DPP10: variants seen among roughly 807,000 people sequenced by gnomAD.
DPP10 encodes inactive dipeptidyl peptidase 10.
DPP10 carries 33 observed loss-of-function variants against 120.9 expected under a neutral mutation model. That is an observed-to-expected ratio of 0.27 (90% CI 0.21 to 0.37). The LOEUF is 0.37. Ranked by LOEUF, DPP10 falls within the 10% of genes least tolerant of loss-of-function variation. The probability of loss-of-function intolerance (pLI) is 1.00; values close to 1 mark genes in which losing one functional copy is unlikely to be tolerated. For missense variants in DPP10, 816 were observed against 942.8 expected (o/e 0.87, Z 1.76); for synonymous variants, 337 against 326.1 (o/e 1.03, Z -0.36).
At chr2:115,725,553 A>G (rs963581324) in intron 7 of DPP10, among the ~76,000 whole-genome samples, 6 of 152,226 alleles carry the variant, frequency 3.9e-5, no homozygotes, top group African/African-American at 1.4e-4. Flanking sequence ...TCTGTCAAAT[A>G]TAAATGTAAT....
At chr2:114,867,237 T>C (rs1690312993) in intron 1 of DPP10, among the ~76,000 whole-genome samples, 1 of 152,176 alleles carries the variant, frequency 6.6e-6, no homozygotes, top group Non-Finnish European at 1.5e-5. Context: ...CACTCCTGCC[T>C]CTCATTTTCA....
chr2:114,694,487 T>A (rs1235481151), intron 1 of DPP10, among the ~76,000 whole-genome samples: 2 of 151,988 alleles, frequency 1.3e-5, no homozygotes, highest in East Asian at 3.9e-4. Flanking sequence ...GGGGATAGTT[T>A]GCAGTGAAGG....
At chr2:115,407,786 G>A in intron 3 of DPP10, among the ~76,000 whole-genome samples, 1 of 152,126 alleles carries the variant, frequency 6.6e-6, no homozygotes, top group Non-Finnish European at 1.5e-5. Flanking sequence ...ACTCTTCCCA[G>A]TTTGGAGGAT....
chr2:115,407,468 A>G (rs2068601928), intron 3 of DPP10, among the ~76,000 whole-genome samples: 1 of 152,186 alleles, frequency 6.6e-6, no homozygotes, highest in South Asian at 2.1e-4. Context: ...TCAGAGGCCA[A>G]TCTAAGCGTT....
chr2:115,023,685 C>T (rs190842994), intron 1 of DPP10, among the ~76,000 whole-genome samples: 13 of 152,132 alleles, frequency 8.5e-5, no homozygotes, highest in African/African-American at 2.9e-4. Flanking sequence ...GAAAAAGATA[C>T]TTGCACATGT....
At chr2:115,718,800 T>A (rs2092570657) in intron 7 of DPP10, among the ~76,000 whole-genome samples, 1 of 152,026 alleles carries the variant, frequency 6.6e-6, no homozygotes, top group Admixed American at 6.6e-5. Flanking sequence ...GATAATGGGC[T>A]CGAAGAAGGA....
intron 1 of DPP10, among the ~76,000 whole-genome samples, chr2:114,873,697 A>G (rs1690898120): frequency 1.4e-5 from 1 of 72,188 alleles, no homozygotes; most frequent in Non-Finnish European, 2.8e-5. Context: ...AGAACTTAAC[A>G]ACATTTTGCA....
intron 1 of DPP10, among the ~76,000 whole-genome samples, chr2:114,737,440 G>A (rs548361969): frequency 6.6e-5 from 10 of 152,192 alleles, no homozygotes; most frequent in Non-Finnish European, 1.2e-4. Context: ...GCAGGAGAGA[G>A]AAATCTGCCT....
intron 1 of DPP10, among the ~76,000 whole-genome samples, chr2:115,228,728 A>T (rs1574084908): frequency 6.6e-6 from 1 of 152,082 alleles, no homozygotes. Flanking sequence ...ATATGGCTGG[A>T]TAGTATTCCA....
intron 1 of DPP10, among the ~76,000 whole-genome samples, chr2:115,057,883 G>T (rs190060037): frequency 1.3e-5 from 2 of 152,196 alleles, no homozygotes; most frequent in East Asian, 3.9e-4. Context: ...TTCCAGTCTA[G>T]TCTGAGTTTG....
At chr2:115,361,344 C>T (rs561745396) in intron 3 of DPP10, among the ~76,000 whole-genome samples, 98 of 152,186 alleles carry the variant, frequency 6.4e-4, no homozygotes, top group Middle Eastern at 3.4e-3. Context: ...ACTACCTGTT[C>T]TGCGGGAGGG....
chr2:115,485,771 A>G (rs946960514), intron 3 of DPP10, among the ~76,000 whole-genome samples: 4 of 152,240 alleles, frequency 2.6e-5, no homozygotes, highest in East Asian at 1.9e-4. Context: ...ATACTACTCT[A>G]TGCAATTATG....
At chr2:115,116,587 C>A (rs953240486) in intron 1 of DPP10, among the ~76,000 whole-genome samples, 1 of 152,052 alleles carries the variant, frequency 6.6e-6, no homozygotes, top group African/African-American at 2.4e-5. Context: ...AGGACTTATT[C>A]TTTCTTTATA....
intron 3 of DPP10, among the ~76,000 whole-genome samples, chr2:115,358,493 GTC>G (rs1241342655): frequency 1.3e-5 from 2 of 152,190 alleles, no homozygotes; most frequent in East Asian, 3.9e-4. Flanking sequence ...TCTCACATCT[GTC>G]TGTCTTCTGA....
intron 5 of DPP10, among the ~76,000 whole-genome samples, chr2:115,532,854 A>G (rs1199052324): frequency 2.6e-5 from 4 of 151,954 alleles, no homozygotes; most frequent in Non-Finnish European, 4.4e-5. Context: ...ATGTATATAA[A>G]TAGTTTTAAT....
intron 1 of DPP10, among the ~76,000 whole-genome samples, chr2:114,709,065 A>T (rs1012160504): frequency 2.0e-5 from 3 of 151,960 alleles, no homozygotes; most frequent in African/African-American, 7.3e-5. Context: ...CCCATTGCTT[A>T]CTCTTTCACT....
intron 7 of DPP10, among the ~76,000 whole-genome samples, chr2:115,691,255 G>T (rs1389124191): frequency 6.6e-6 from 1 of 151,774 alleles, no homozygotes; most frequent in Non-Finnish European, 1.5e-5. Flanking sequence ...TATAAATGTA[G>T]TCTGATTTAT....
At chr2:115,715,046 A>AAG (rs1280720329) in intron 7 of DPP10, among the ~76,000 whole-genome samples, 1 of 150,374 alleles carries the variant, frequency 6.7e-6, no homozygotes, top group East Asian at 2.0e-4. Context: ...AAAAAAAAAA[A>AAG]AAATTATGAA....
chr2:115,676,001 A>G (rs1305478643), intron 5 of DPP10, among the ~76,000 whole-genome samples: 3 of 152,126 alleles, frequency 2.0e-5, no homozygotes, highest in Non-Finnish European at 4.4e-5. Context: ...CCTCCATCCT[A>G]GAGTATAAAT....
Sources: allele counts gnomAD v4.1 joint callset (sites outside exome capture counted in the v4.1 genomes callset), GRCh38; gene constraint gnomAD v4.1.1; transcripts MANE v1.5; gene names NCBI Gene and HGNC (gene_info 2026-07-23, HGNC 2026-07-21).